The following NID1 variants were observed in gnomAD, a reference collection of about 807,000 sequenced individuals.
NID1 encodes the protein nidogen 1.
NID1 carries 76 observed loss-of-function variants against 130.6 expected under a neutral mutation model. The ratio of observed to expected loss-of-function variants is 0.58; its 90% confidence interval spans 0.48 to 0.70. The LOEUF is 0.70. NID1 is among the 30% of genes least tolerant of loss of function. The probability of loss-of-function intolerance (pLI) is 0.00; values close to 1 mark genes in which losing one functional copy is unlikely to be tolerated. For missense variants in NID1, 1,517 were observed against 1,664.8 expected (o/e 0.91, Z 1.54); for synonymous variants, 665 against 675.1 (o/e 0.98, Z 0.23).
At chr1:236,025,154 GT>G (rs1422686631) in intron 8 of NID1, among the ~76,000 whole-genome samples, 1 of 151,840 alleles carries the variant, frequency 6.6e-6, no homozygotes, top group African/African-American at 2.4e-5. Flanking sequence ...GTTTCTCCAT[GT>G]TGGCCAGGCT....
rs763348196 is a variant in NID1, at chr1:236,026,147, G to T, written c.1739-6C>A. ...GGTGGAGGAGGAAGTGATCACTGCA[G>T]AGTGGGAAGGATGGAGGGGACAAGG... On this transcript the variant is annotated splice_region_variant and splice_polypyrimidine_tract_variant and intron_variant, in intron 7 of 19. Transcript: ENST00000264187. 1.2e-6 allele frequency: 2 copies of T among 1,613,074 alleles called. No homozygotes were observed. The highest frequency in any genetic ancestry group is 2.7e-5 in the African/African-American group (2 of 74,926).
At chr1:235,980,466 C>T (rs781776015) in intron 17 of NID1, 30 bp downstream of exon 17, 51 of 1,605,516 alleles carry the variant, frequency 3.2e-5, no homozygotes, top group South Asian at 1.0e-4. Flanking sequence ...GATTGAGACC[C>T]GCCCTGGACA....
chr1:235,989,608 G>A (rs2102798001), intron 14 of NID1, among the ~76,000 whole-genome samples: 1 of 152,346 alleles, frequency 6.6e-6, no homozygotes, highest in South Asian at 2.1e-4. Flanking sequence ...GAAGATACAT[G>A]TCAGATACAC....
intron 4 of NID1, among the ~76,000 whole-genome samples, chr1:236,039,347 G>A (rs985474206): frequency 6.6e-6 from 1 of 151,346 alleles, no homozygotes; most frequent in Non-Finnish European, 1.5e-5. Flanking sequence ...CCAAGTAGCT[G>A]GGACTGCAGG....
At chr1:236,007,204 T>C (rs753013284) in intron 12 of NID1, among the ~76,000 whole-genome samples, 11 of 152,190 alleles carry the variant, frequency 7.2e-5, no homozygotes, top group Admixed American at 3.9e-4. Flanking sequence ...CTAGAAGTTT[T>C]AAATTTTTTG....
chr1:236,063,409 T>C (rs929765938), intron 1 of NID1, among the ~76,000 whole-genome samples: 12 of 147,484 alleles, frequency 8.1e-5, no homozygotes, highest in African/African-American at 2.8e-4. Flanking sequence ...GAGGTGGAGG[T>C]TGCAGTGAGC....
In NID1 at chr1:236,048,952, G is replaced by C. The variant is rs774356618; in HGVS notation, c.263C>G (p.Pro88Arg). The C allele has an allele frequency of 7.4e-6, 12 of 1,613,856 alleles. No homozygotes were observed. The highest frequency in any genetic ancestry group is 1.3e-5 in the African/African-American group (1 of 74,894). ...TNGIIATSEP[P>R]AKESHPGLFP... ...GAGCCCGGGATGGGATTCTTTGGCC[G>C]GGGGTTCACTCGTAGCAATGATGCC... is the stretch of plus-strand genomic sequence containing the variant. The change falls in exon 2 of 20, where the codon CCG becomes CGG. Residue 88 changes from proline to arginine, a missense_variant. Physicochemically the swap from Pro to Arg is moderately radical, Grantham distance 103 (BLOSUM62 -2). Around this residue, in one of 3 missense-constraint regions of NID1, gnomAD observed 1,329 missense variants for 1,429.2 expected, o/e 0.93. Transcript: ENST00000264187.
chr1:236,050,552 C>CAA (rs71868379), intron 1 of NID1, among the ~76,000 whole-genome samples: 2 of 128,456 alleles, frequency 1.6e-5, no homozygotes, highest in African/African-American at 5.5e-5. Context: ...AATTCCATTT[C>CAA]AAAAAAAAAA....
In NID1 at chr1:236,013,341, G is replaced by A. The variant is rs1658486821; in HGVS notation, c.2404+70C>T. 6 of 1,549,404 alleles carry A rather than the reference G, an allele frequency of 3.9e-6. No individual in the cohort carries two copies. The East Asian group carries it at 1.4e-4, about 35-fold the overall frequency. On this transcript the variant is annotated intron_variant, in intron 11 of 19. Transcript: ENST00000264187. Reference sequence around the variant, plus strand: ...CTATTTGGGAGTGAGTTGGTGATTGGCACATGACAGGTACCACCTAGGAAA... The same window carrying A: ...CTATTTGGGAGTGAGTTGGTGATTGACACATGACAGGTACCACCTAGGAAA...
intron 8 of NID1, 78 bp downstream of exon 8, chr1:236,025,817 GA>G: frequency 1.3e-6 from 2 of 1,547,296 alleles, no homozygotes. Flanking sequence ...CTGAGAGTAA[GA>G]GACCAAAAAC....
At position 236,025,953 on chromosome 1, in the gene NID1, T is replaced by G. The variant is rs1373359316; in HGVS notation, c.1927A>C (p.Asn643His). ...TAGCGCAAGATCTTCTCCTCCTGGT[T>G]GTACAGGACGAACACGCTGTCCACC... ...LSVDSVFVLYNQEEKILRYAL... is the reference protein window; with the variant it reads ...LSVDSVFVLYHQEEKILRYAL... The change falls in exon 8 of 20, where the codon AAC becomes CAC. Residue 643 changes from asparagine (N) to histidine (H), a missense_variant. Transcript: ENST00000264187. 1.2e-6 allele frequency: 2 copies of G among 1,613,840 alleles called. No homozygotes were observed. Among genetic ancestry groups the G allele is most frequent in the East Asian group, 2.2e-5 (1 of 44,888 alleles).
At chr1:236,041,763 G>C (rs1659458436) in intron 4 of NID1, 147 bp downstream of exon 4, 1 of 981,872 alleles carries the variant, frequency 1.0e-6, no homozygotes, top group Non-Finnish European at 1.5e-6. Flanking sequence ...AGGCTCCACG[G>C]CTGTGAGAGT....
intron 12 of NID1, among the ~76,000 whole-genome samples, chr1:236,004,586 C>A (rs1390300166): frequency 6.6e-6 from 1 of 151,598 alleles, no homozygotes; most frequent in Admixed American, 6.6e-5. Context: ...CACGGTGAAA[C>A]CCTGTCTCTA....
At chr1:236,051,215 G>A (rs986919150) in intron 1 of NID1, among the ~76,000 whole-genome samples, 2 of 152,102 alleles carry the variant, frequency 1.3e-5, no homozygotes, top group African/African-American at 2.4e-5. Flanking sequence ...TCAGTTGTTA[G>A]AAGGCCAGTG....
Position 236,042,211 on chromosome 1 carries a change from G to C in NID1, c.834C>G (p.Asp278Glu), listed in dbSNP as rs371831151. The C allele has an allele frequency of 6.2e-7, 1 of 1,613,018 alleles. No homozygotes were observed. The highest frequency in any genetic ancestry group is 1.7e-5 in the Admixed American group (1 of 60,020). ...CCCCATCTTCAGTTCCGAGGATCACGTCTGCAGGCACCACGCCATTGGTGG... is the reference window on the plus strand; with the variant it reads ...CCCCATCTTCAGTTCCGAGGATCACCTCTGCAGGCACCACGCCATTGGTGG... The part of the protein sequence containing the change: ...PATTNGVVPA[D>E]VILGTEDGAE... The change falls in exon 4 of 20, where the codon GAC becomes GAG. Residue 278 changes from aspartate (D) to glutamate (E), a missense_variant. Asp to Glu is a conservative substitution (Grantham distance 45). Coordinates refer to ENST00000264187, the MANE Select transcript of NID1 (RefSeq NM_002508.3).
intron 1 of NID1, among the ~76,000 whole-genome samples, chr1:236,061,461 CT>C (rs201477781): frequency 6.6e-6 from 1 of 151,946 alleles, no homozygotes; most frequent in Non-Finnish European, 1.5e-5. Context: ...GGATTCTTCT[CT>C]TTTTTTTGTT....
intron 1 of NID1, among the ~76,000 whole-genome samples, chr1:236,063,445 C>A (rs1264566669): frequency 2.8e-5 from 4 of 144,704 alleles, no homozygotes; most frequent in African/African-American, 1.0e-4. Context: ...AAACTCCAGG[C>A]TGGGGGATAG....
At chr1:236,001,798 TC>T (rs1292812062) in intron 12 of NID1, among the ~76,000 whole-genome samples, 1 of 152,198 alleles carries the variant, frequency 6.6e-6, no homozygotes, top group African/African-American at 2.4e-5. Flanking sequence ...CTTGCACTCC[TC>T]CTCTGTGTGC....
chr1:236,013,101 T>C (rs1658480717), intron 11 of NID1, among the ~76,000 whole-genome samples: 2 of 152,230 alleles, frequency 1.3e-5, no homozygotes, highest in African/African-American at 4.8e-5. Context: ...GTCCTCCATG[T>C]AAAAGGACAG....
Sources: gnomAD v4.1 joint callset for allele counts (sites outside exome capture counted in the v4.1 genomes callset) on GRCh38, gnomAD v4.1.1 for gene constraint, gnomAD v4.1.1 regional missense constraint, MANE v1.5 for transcripts, NCBI Gene and HGNC (gene_info 2026-07-23, HGNC 2026-07-21) for gene names.